The following WDR7 variants were observed in gnomAD, a reference collection of about 807,000 sequenced individuals.
The protein encoded by WDR7 is WD repeat-containing protein 7.
WDR7 carries 46 observed loss-of-function variants against 169.4 expected under a neutral mutation model. The ratio of observed to expected loss-of-function variants is 0.27; its 90% confidence interval spans 0.21 to 0.35. The LOEUF is 0.35. WDR7 is among the 10% of genes least tolerant of loss of function. The pLI is 1.00. For synonymous variants in WDR7, 612 were observed against 666.8 expected (o/e 0.92, Z 1.27); for missense variants, 1,534 against 1,859.3 (o/e 0.83, Z 3.22).
intron 25 of WDR7, among the ~76,000 whole-genome samples, chr18:56,956,562 G>C (rs7241011): frequency 0.063 from 9,608 of 152,132 alleles, 939 homozygotes; most frequent in African/African-American, 0.21. Flanking sequence ...AGCCAAGGAG[G>C]TTGAGGTAGT....
At chr18:56,738,306 AT>A (rs2026744937) in intron 14 of WDR7, among the ~76,000 whole-genome samples, 1 of 152,208 alleles carries the variant, frequency 6.6e-6, no homozygotes, top group Non-Finnish European at 1.5e-5. Context: ...ACGGTGGCTC[AT>A]GCCTGTAATC....
At chr18:56,711,117 T>C (rs2026077588) in intron 12 of WDR7, among the ~76,000 whole-genome samples, 1 of 151,944 alleles carries the variant, frequency 6.6e-6, no homozygotes, top group Non-Finnish European at 1.5e-5. Context: ...AATATTAAGC[T>C]TATGTGGCTT....
intron 20 of WDR7, among the ~76,000 whole-genome samples, chr18:56,849,194 C>G (rs2045607806): frequency 6.6e-6 from 1 of 152,040 alleles, no homozygotes. Context: ...GGTCTTCTGC[C>G]TGAGATTCCA....
chr18:56,658,572 G>T (rs2024829935), intron 1 of WDR7, among the ~76,000 whole-genome samples: 1 of 152,148 alleles, frequency 6.6e-6, no homozygotes, highest in African/African-American at 2.4e-5. Flanking sequence ...GTTACCTTCT[G>T]TTTTCACATT....
At chr18:57,008,030 C>T (rs2048089133) in intron 26 of WDR7, among the ~76,000 whole-genome samples, 1 of 152,118 alleles carries the variant, frequency 6.6e-6, no homozygotes, top group Non-Finnish European at 1.5e-5. Flanking sequence ...TCATTTTCCT[C>T]ACTCTCTAAC....
At chr18:56,966,643 A>G (rs1040383341) in intron 26 of WDR7, among the ~76,000 whole-genome samples, 3 of 152,114 alleles carry the variant, frequency 2.0e-5, no homozygotes, top group Non-Finnish European at 4.4e-5. Flanking sequence ...GTCAAAAGTT[A>G]CATGTTGACT....
At chr18:56,743,933 C>T (rs929555007) in intron 14 of WDR7, among the ~76,000 whole-genome samples, 1 of 152,092 alleles carries the variant, frequency 6.6e-6, no homozygotes, top group South Asian at 2.1e-4. Context: ...GGAGGAAAAC[C>T]TTATTTCTGA....
intron 17 of WDR7, among the ~76,000 whole-genome samples, chr18:56,778,110 A>C (rs1250628621): frequency 6.6e-6 from 1 of 152,172 alleles, no homozygotes; most frequent in Non-Finnish European, 1.5e-5. Flanking sequence ...AAGAAGTTAT[A>C]ATCTAAAATG....
intron 26 of WDR7, among the ~76,000 whole-genome samples, chr18:56,979,953 C>T (rs76553806): frequency 0.015 from 2,260 of 152,270 alleles, 66 homozygotes; most frequent in African/African-American, 0.051. Flanking sequence ...TTATGCACCA[C>T]GGTTTTATGG....
chr18:56,733,677 G>A (rs936255366), intron 14 of WDR7, among the ~76,000 whole-genome samples: 1 of 152,108 alleles, frequency 6.6e-6, no homozygotes, highest in African/African-American at 2.4e-5. Flanking sequence ...TTACTATCCT[G>A]TGATTTTTTT....
At chr18:56,697,987 A>T (rs1385040635) in intron 12 of WDR7, among the ~76,000 whole-genome samples, 1 of 152,046 alleles carries the variant, frequency 6.6e-6, no homozygotes, top group Non-Finnish European at 1.5e-5. Flanking sequence ...TGAAGTTGGG[A>T]GTTCGAGAAC....
chr18:56,692,269 A>G (rs1476022131), intron 9 of WDR7, among the ~76,000 whole-genome samples: 5 of 152,186 alleles, frequency 3.3e-5, no homozygotes, highest in African/African-American at 1.2e-4. Flanking sequence ...TAGAAACTAG[A>G]AATAAAGAAT....
chr18:56,820,635 C>T (rs1265317051), intron 20 of WDR7, among the ~76,000 whole-genome samples: 1 of 152,082 alleles, frequency 6.6e-6, no homozygotes, highest in African/African-American at 2.4e-5. Flanking sequence ...CCTCCTCCCC[C>T]TGCCCTCAGT....
intron 14 of WDR7, among the ~76,000 whole-genome samples, chr18:56,738,521 G>T (rs1568167077): frequency 6.6e-6 from 1 of 152,124 alleles, no homozygotes; most frequent in Non-Finnish European, 1.5e-5. Flanking sequence ...TCATGCCACA[G>T]GACTATAGCC....
At chr18:56,766,967 C>T (rs778252515) in intron 16 of WDR7, among the ~76,000 whole-genome samples, 5 of 152,108 alleles carry the variant, frequency 3.3e-5, no homozygotes, top group Non-Finnish European at 7.3e-5. Context: ...TGAATTTTGC[C>T]TGTTTGGGTG....
chr18:56,794,222 T>A (rs1463097233), intron 19 of WDR7, among the ~76,000 whole-genome samples: 1 of 151,566 alleles, frequency 6.6e-6, no homozygotes, highest in Non-Finnish European at 1.5e-5. Flanking sequence ...TCTTCATCTT[T>A]TGCCCCACAT....
intron 12 of WDR7, among the ~76,000 whole-genome samples, chr18:56,704,453 T>C (rs2469467): frequency 0.92 from 139,291 of 151,932 alleles, 65,055 homozygotes; most frequent in East Asian, 1. Context: ...GTGAGAGGAT[T>C]GCTTGAGCCC....
At chr18:57,014,208 C>G (rs989459340) in intron 26 of WDR7, among the ~76,000 whole-genome samples, 1 of 151,734 alleles carries the variant, frequency 6.6e-6, no homozygotes, top group African/African-American at 2.4e-5. Flanking sequence ...CACCTGTAAT[C>G]CCAGCTACTC....
At chr18:56,965,483 A>G (rs1459657985) in intron 26 of WDR7, among the ~76,000 whole-genome samples, 1 of 151,734 alleles carries the variant, frequency 6.6e-6, no homozygotes, top group African/African-American at 2.4e-5. Context: ...GTTATTCCCA[A>G]ACAGATTATG....
Sources: allele counts gnomAD v4.1 joint callset (sites outside exome capture counted in the v4.1 genomes callset), GRCh38; gene constraint gnomAD v4.1.1; transcripts MANE v1.5; gene names NCBI Gene and HGNC (gene_info 2026-07-23, HGNC 2026-07-21).